Variants in DYNC1I1 observed in about 807,000 individuals in gnomAD.
The protein encoded by DYNC1I1 is dynein cytoplasmic 1 intermediate chain 1.
DYNC1I1 carries 43 observed loss-of-function variants against 86.6 expected under a neutral mutation model. The observed-to-expected ratio is 0.50, with a 90% CI of 0.39 to 0.64. The LOEUF (loss-of-function observed/expected upper bound fraction) is 0.64. Ranked by LOEUF, DYNC1I1 falls within the 30% of genes least tolerant of loss-of-function variation. The pLI is 0.00. For synonymous variants in DYNC1I1, 262 were observed against 283.7 expected (o/e 0.92, Z 0.77); for missense variants, 604 against 788.8 (o/e 0.77, Z 2.81).
At chr7:96,055,736 A>G (rs1208484224) in intron 14 of DYNC1I1, 1 of 152,214 alleles carries the variant, frequency 6.6e-6, no homozygotes, top group Non-Finnish European at 1.5e-5. Context: ...ATTGAAATAT[A>G]CTAAGAAAAA....
At chr7:96,016,087 T>C (rs945672452) in intron 10 of DYNC1I1, among the ~76,000 whole-genome samples, 3 of 152,124 alleles carry the variant, frequency 2.0e-5, no homozygotes, top group African/African-American at 4.8e-5. Flanking sequence ...CATTGCTTTG[T>C]TGGGCGTAGG....
chr7:96,099,167 T>C (rs1245450454), downstream of DYNC1I1, among the ~76,000 whole-genome samples: 1 of 152,182 alleles, frequency 6.6e-6, no homozygotes. Flanking sequence ...CGTGCATTAT[T>C]ATGATAGACC....
chr7:95,801,493 T>C (rs184701345), intron 1 of DYNC1I1, among the ~76,000 whole-genome samples: 2 of 152,340 alleles, frequency 1.3e-5, no homozygotes, highest in East Asian at 3.9e-4. Flanking sequence ...TTGCTGAAGT[T>C]GCACGAGACA....
intron 6 of DYNC1I1, among the ~76,000 whole-genome samples, chr7:95,912,362 A>G (rs1791360411): frequency 6.6e-6 from 1 of 152,178 alleles, no homozygotes. Flanking sequence ...ATGCTAAGAA[A>G]GGAGAGGAAA....
At chr7:95,779,176 G>A (rs576519458) in intron 1 of DYNC1I1, among the ~76,000 whole-genome samples, 50 of 152,286 alleles carry the variant, frequency 3.3e-4, no homozygotes, top group Admixed American at 1.2e-3. Context: ...CAATGATGCC[G>A]AAATTATGAA....
intron 6 of DYNC1I1, among the ~76,000 whole-genome samples, chr7:95,967,821 A>G (rs1793055646): frequency 6.6e-6 from 1 of 152,214 alleles, no homozygotes; most frequent in Non-Finnish European, 1.5e-5. Flanking sequence ...GAGGGGAAGC[A>G]TGAACCAAGG....
intron 5 of DYNC1I1, among the ~76,000 whole-genome samples, chr7:95,855,924 T>C (rs886310905): frequency 1.3e-5 from 2 of 152,202 alleles, no homozygotes; most frequent in Non-Finnish European, 2.9e-5. Flanking sequence ...CTGTACACCA[T>C]AGACTTTATA....
chr7:96,024,786 TG>T (rs1397770164), intron 10 of DYNC1I1, among the ~76,000 whole-genome samples: 1 of 152,156 alleles, frequency 6.6e-6, no homozygotes, highest in Non-Finnish European at 1.5e-5. Flanking sequence ...TTTTCTGAAA[TG>T]TTTTTTACTT....
chr7:95,912,049 T>G (rs1015319465), intron 6 of DYNC1I1, among the ~76,000 whole-genome samples: 41 of 152,090 alleles, frequency 2.7e-4, no homozygotes, highest in African/African-American at 9.7e-4. Context: ...TTTTTTTTTC[T>G]TTTTTGAGAA....
chr7:95,833,598 A>G (rs1311173118), intron 5 of DYNC1I1, among the ~76,000 whole-genome samples: 6 of 145,402 alleles, frequency 4.1e-5, no homozygotes, highest in Admixed American at 1.4e-4. Context: ...CTTCCTACCC[A>G]TGAGCATGGA....
At chr7:95,929,747 A>G (rs993449652) in intron 6 of DYNC1I1, among the ~76,000 whole-genome samples, 20 of 152,220 alleles carry the variant, frequency 1.3e-4, no homozygotes, top group African/African-American at 4.8e-4. Flanking sequence ...AATTTTCTAC[A>G]AATGTCATCA....
chr7:95,943,133 C>T (rs1274646543), intron 6 of DYNC1I1, among the ~76,000 whole-genome samples: 1 of 147,860 alleles, frequency 6.8e-6, no homozygotes, highest in Non-Finnish European at 1.5e-5. Context: ...CCCATTGTCT[C>T]AGCCCAAAAT....
intron 14 of DYNC1I1, among the ~76,000 whole-genome samples, chr7:96,060,068 A>T (rs1256915155): frequency 6.6e-6 from 1 of 152,214 alleles, no homozygotes; most frequent in African/African-American, 2.4e-5. Context: ...ATAACCATTT[A>T]AGTGAATCAC....
At chr7:95,798,485 T>C (rs1388620818) in intron 1 of DYNC1I1, among the ~76,000 whole-genome samples, 2 of 152,148 alleles carry the variant, frequency 1.3e-5, no homozygotes, top group African/African-American at 4.8e-5. Flanking sequence ...TTCTTACACG[T>C]ATCTGTGGCA....
At chr7:95,861,366 T>C (rs938226200) in intron 5 of DYNC1I1, among the ~76,000 whole-genome samples, 2 of 152,218 alleles carry the variant, frequency 1.3e-5, no homozygotes, top group African/African-American at 4.8e-5. Flanking sequence ...GTTCTTGCAT[T>C]CTCATACTAA....
In DYNC1I1 at chr7:96,030,330, T is replaced by TTGTGTGTGTG. The variant is rs200496803; in HGVS notation, c.1116+2047_1116+2056dup. On this transcript the variant is annotated intron_variant, in intron 11 of 16. Coordinates refer to ENST00000447467, the MANE Select transcript of DYNC1I1 (RefSeq NM_001135556.2). ...GCTTTCTTCTTCCTTAATGGTAGAG[T>TTGTGTGTGTG]TGTGTGTGTGTGTGTGTGTGTGTGT... 3.8e-3 allele frequency among the ~76,000 whole-genome samples: 511 copies of TTGTGTGTGTG among 135,472 alleles called. 5 individuals are homozygous for TTGTGTGTGTG. The highest frequency in any genetic ancestry group is 6.9e-3 in the South Asian group (28 of 4,066). The allele number at this position is 135,472 out of a possible 152,430, so 88.9% of individuals were successfully genotyped here. A position where few individuals can be genotyped will look rare whatever the true frequency, so the allele number is the denominator to read the frequency against.
chr7:95,809,120 C>G, intron 2 of DYNC1I1, among the ~76,000 whole-genome samples: 1 of 152,104 alleles, frequency 6.6e-6, no homozygotes, highest in Admixed American at 6.6e-5. Flanking sequence ...GTAGTTTTCC[C>G]TCTAATGACA....
Position 95,787,969 on chromosome 7 carries a change from G to A in DYNC1I1, c.-10+15196G>A, listed in dbSNP as rs1474396662. 2.6e-5 allele frequency among the ~76,000 whole-genome samples: 4 copies of A among 152,152 alleles called. 1 individual carries two copies. Among genetic ancestry groups the A allele is most frequent in the South Asian group, 4.1e-4 (2 of 4,830 alleles). ...GGAATAGGAGGTGCAAAGACCCTGA[G>A]GTGGGTGTGTACCTGATGTGTTTGA... On this transcript the variant is annotated intron_variant, in intron 1 of 16. Coordinates refer to ENST00000447467, the MANE Select transcript of DYNC1I1 (RefSeq NM_001135556.2).
Position 96,097,756 on chromosome 7 carries a change from A to G in DYNC1I1, c.*163A>G, listed in dbSNP as rs574306164. ...GCTCCAAGTATTCTAAATGTGTCCC[A>G]TCATGCTTTCCACTGACCCAAAATT... On this transcript the variant is annotated 3_prime_UTR_variant, in exon 17 of 17. Transcript: ENST00000447467. 7.4e-6 allele frequency: 10 copies of G among 1,346,754 alleles called. 1 individual carries two copies. The South Asian group carries it at 8.6e-5, about 12-fold the overall frequency. 83.4% of individuals were successfully genotyped at this position (1,346,754 alleles called of 1,614,324 possible).
Sources: gnomAD v4.1 joint callset for allele counts (sites outside exome capture counted in the v4.1 genomes callset) on GRCh38, gnomAD v4.1.1 for gene constraint, MANE v1.5 for transcripts, NCBI Gene and HGNC (gene_info 2026-07-23, HGNC 2026-07-21) for gene names.